GRM8: variants seen among roughly 807,000 people sequenced by gnomAD.
The protein encoded by GRM8 is glutamate metabotropic receptor 8, also known as metabotropic glutamate receptor 8.
A neutral mutation model predicts 87.2 loss-of-function variants in GRM8; 47 were observed. The observed-to-expected ratio is 0.54, with a 90% CI of 0.43 to 0.69. The LOEUF (loss-of-function observed/expected upper bound fraction) is 0.69. Ranked by LOEUF, GRM8 falls within the 30% of genes least tolerant of loss-of-function variation. The probability of loss-of-function intolerance (pLI) is 0.00; values close to 1 mark genes in which losing one functional copy is unlikely to be tolerated. For synonymous variants in GRM8, 396 were observed against 404.5 expected, an observed-to-expected ratio of 0.98 and a Z score of 0.25; for missense variants, 1,019 against 1,139.2, an observed-to-expected ratio of 0.89 and a Z score of 1.52.
intron 7 of GRM8, among the ~76,000 whole-genome samples, chr7:126,664,208 C>G (rs1237124081): frequency 6.6e-6 from 1 of 152,138 alleles, no homozygotes; most frequent in African/African-American, 2.4e-5. Context: ...AATGGTCATA[C>G]TGCCCAAAGC....
intron 3 of GRM8, among the ~76,000 whole-genome samples, chr7:126,947,536 A>G (rs2131582403): frequency 6.6e-6 from 1 of 152,016 alleles, no homozygotes; most frequent in African/African-American, 2.4e-5. Context: ...TATATATTGT[A>G]TATATATGCA....
chr7:127,119,527 C>G (rs1044841932), intron 2 of GRM8, among the ~76,000 whole-genome samples: 1 of 151,944 alleles, frequency 6.6e-6, no homozygotes, highest in Non-Finnish European at 1.5e-5. Flanking sequence ...TGCACACACA[C>G]ACACATACAC....
intron 6 of GRM8, among the ~76,000 whole-genome samples, chr7:126,841,667 AC>A (rs1796279243): frequency 6.6e-6 from 1 of 150,920 alleles, no homozygotes; most frequent in Admixed American, 6.6e-5. Flanking sequence ...TCGCTCTATC[AC>A]CCAGACTGGA....
chr7:126,906,173 G>A (rs1394939528), intron 3 of GRM8, among the ~76,000 whole-genome samples: 1 of 152,126 alleles, frequency 6.6e-6, no homozygotes, highest in Non-Finnish European at 1.5e-5. Context: ...TCTGCCATGT[G>A]AGGACACAGC....
At chr7:126,629,741 C>T (rs1250768778) in intron 7 of GRM8, among the ~76,000 whole-genome samples, 1 of 152,086 alleles carries the variant, frequency 6.6e-6, no homozygotes, top group Non-Finnish European at 1.5e-5. Flanking sequence ...GAATATTAGG[C>T]CACTGTGATA....
chr7:126,840,029 C>T (rs558287468), intron 6 of GRM8, among the ~76,000 whole-genome samples: 1 of 152,134 alleles, frequency 6.6e-6, no homozygotes, highest in South Asian at 2.1e-4. Context: ...TTTTTTAATG[C>T]AATTTTAGTT....
At chr7:127,215,451 T>G (rs1300845508) in intron 2 of GRM8, among the ~76,000 whole-genome samples, 1 of 152,116 alleles carries the variant, frequency 6.6e-6, no homozygotes, top group Non-Finnish European at 1.5e-5. Context: ...GTTGACCTTG[T>G]AACAGCGCCC....
At chr7:126,926,792 C>T (rs912537309) in intron 3 of GRM8, among the ~76,000 whole-genome samples, 1 of 152,172 alleles carries the variant, frequency 6.6e-6, no homozygotes, top group African/African-American at 2.4e-5. Flanking sequence ...TTCAAGGGTC[C>T]ACTCCTCCAG....
intron 2 of GRM8, among the ~76,000 whole-genome samples, chr7:127,140,047 A>G (rs11563709): frequency 1.3e-5 from 2 of 152,126 alleles, no homozygotes; most frequent in Non-Finnish European, 2.9e-5. Flanking sequence ...CTCTCTAGTC[A>G]AGTCATGTTT....
chr7:127,150,701 C>CCCACT (rs994727628), intron 2 of GRM8, among the ~76,000 whole-genome samples: 31 of 152,082 alleles, frequency 2.0e-4, no homozygotes, highest in African/African-American at 7.5e-4. Context: ...CAAAATGAAT[C>CCCACT]CCACTCCCAG....
chr7:127,083,141 C>T (rs942897396), intron 3 of GRM8, among the ~76,000 whole-genome samples: 2 of 152,198 alleles, frequency 1.3e-5, no homozygotes, highest in African/African-American at 2.4e-5. Context: ...CACACTTGTG[C>T]ACTTAACAGA....
rs148156197 is a variant in GRM8 at position 126,679,546 on chromosome 7, G to A, written c.1358-70048C>T. ...TAAATGGAGCATCAACCATATGCCA[G>A]ATAGTAAGGTAGAAGCTGGAAATAT... On this transcript the variant is annotated intron_variant, in intron 7 of 10. Coordinates refer to ENST00000339582, the MANE Select transcript of GRM8 (RefSeq NM_000845.3). Among the ~76,000 whole-genome samples the A allele has an allele frequency of 7.3e-3, 1,112 of 152,272 alleles. 17 individuals are homozygous for A. The highest frequency in any genetic ancestry group is 0.026 in the African/African-American group (1,065 of 41,538).
At chr7:126,732,342 C>G (rs1813699052) in intron 7 of GRM8, among the ~76,000 whole-genome samples, 1 of 152,092 alleles carries the variant, frequency 6.6e-6, no homozygotes, top group Admixed American at 6.6e-5. Context: ...TTCGGAGCAA[C>G]AGCAAATATC....
chr7:127,224,090 T>C (rs1462266539), intron 2 of GRM8, among the ~76,000 whole-genome samples: 2 of 151,346 alleles, frequency 1.3e-5, no homozygotes, highest in Non-Finnish European at 1.5e-5. Context: ...AAAAAAAAGA[T>C]GTTAAAGGTA....
At chr7:126,809,976 G>C (rs1793134584) in intron 6 of GRM8, among the ~76,000 whole-genome samples, 1 of 152,096 alleles carries the variant, frequency 6.6e-6, no homozygotes, top group Non-Finnish European at 1.5e-5. Flanking sequence ...CTTACTCTCA[G>C]TCTTAGCAGA....
intron 3 of GRM8, among the ~76,000 whole-genome samples, chr7:126,906,342 G>A (rs748284237): frequency 3.9e-5 from 6 of 152,026 alleles, no homozygotes; most frequent in Non-Finnish European, 8.8e-5. Flanking sequence ...AGATATGGGG[G>A]TGTCACTCTG....
At chr7:126,555,177 C>T (rs1793006398) in intron 8 of GRM8, among the ~76,000 whole-genome samples, 1 of 152,152 alleles carries the variant, frequency 6.6e-6, no homozygotes, top group South Asian at 2.1e-4. Context: ...TCATAGAAAG[C>T]TTAATCTGGT....
chr7:126,818,442 T>C (rs530745506), intron 6 of GRM8, among the ~76,000 whole-genome samples: 3 of 152,286 alleles, frequency 2.0e-5, no homozygotes, highest in Admixed American at 6.5e-5. Context: ...AACCAGAAGA[T>C]ATAATTGCAG....
chr7:126,442,705 C>T (rs17663074), intron 10 of GRM8, among the ~76,000 whole-genome samples: 44,635 of 151,824 alleles, frequency 0.29, 6,974 homozygotes, highest in Middle Eastern at 0.41. Context: ...ATCTTTCTAA[C>T]TTTGGGGCTC....
Sources: gnomAD v4.1 joint callset for allele counts (sites outside exome capture counted in the v4.1 genomes callset) on GRCh38, gnomAD v4.1.1 for gene constraint, MANE v1.5 for transcripts, NCBI Gene and HGNC (gene_info 2026-07-23, HGNC 2026-07-21) for gene names.